Variants in CSMD1 observed in about 807,000 individuals in gnomAD.
CSMD1 encodes CUB and Sushi multiple domains 1.
Under a neutral mutation model 417.5 loss-of-function variants are expected in CSMD1, and 213 were observed. That is an observed-to-expected ratio of 0.51 (90% CI 0.46 to 0.57). CSMD1 has a LOEUF of 0.57. Ranked by LOEUF, CSMD1 falls within the 20% of genes least tolerant of loss-of-function variation. CSMD1 has a pLI of 0.00. For synonymous variants in CSMD1, 2,862 were observed against 1,736.8 expected, an observed-to-expected ratio of 1.65 and a Z score of -16.11; for missense variants, 6,923 against 4,529.7, an observed-to-expected ratio of 1.53 and a Z score of -15.17.
chr8:4,566,998 TC>T (rs1339472063), intron 2 of CSMD1, among the ~76,000 whole-genome samples: 2 of 152,198 alleles, frequency 1.3e-5, no homozygotes, highest in East Asian at 3.9e-4. Flanking sequence ...TCCAATGAAA[TC>T]CTGTATGTAT....
intron 1 of CSMD1, among the ~76,000 whole-genome samples, chr8:4,681,842 C>A (rs1806071669): frequency 6.6e-6 from 1 of 152,082 alleles, no homozygotes; most frequent in African/African-American, 2.4e-5. Context: ...CCATTTTCTC[C>A]TCCGTAAGGT....
intron 12 of CSMD1, among the ~76,000 whole-genome samples, chr8:3,418,622 G>C (rs979236483): frequency 6.6e-6 from 1 of 152,118 alleles, no homozygotes; most frequent in Non-Finnish European, 1.5e-5. Flanking sequence ...AGCTCAACAG[G>C]TCTGTCTGCC....
Position 4,932,021 on chromosome 8 carries a change from TAATA to T in CSMD1, c.85+62307_85+62310del, listed in dbSNP as rs1189490937. ...TAATTTGAGAGATTCACATAGCTAC[TAATA>T]AATAAAATGCATATTGCTAACATTT... is the stretch of plus-strand genomic sequence containing the variant. On this transcript the variant is annotated intron_variant, in intron 1 of 69. Coordinates refer to ENST00000635120, the MANE Select transcript of CSMD1 (RefSeq NM_033225.6). Among the ~76,000 whole-genome samples the T allele has an allele frequency of 3.3e-5, 5 of 152,342 alleles. No individual in the cohort carries two copies. In the East Asian group the frequency reaches 9.6e-4, roughly 29 times the overall value.
At chr8:4,032,211 G>T in intron 3 of CSMD1, 112 bp from the exon 4 acceptor site, 2 of 703,364 alleles carry the variant, frequency 2.8e-6, no homozygotes, top group Non-Finnish European at 4.5e-6. Flanking sequence ...AAAACCTCTA[G>T]CATCAGAAAA....
At chr8:4,017,921 C>T (rs11777171) in intron 4 of CSMD1, among the ~76,000 whole-genome samples, 13,647 of 152,140 alleles carry the variant, frequency 0.09, 657 homozygotes, top group Middle Eastern at 0.13. Context: ...CTGATGACTC[C>T]AATCATAAAG....
chr8:4,579,123 G>A lies in CSMD1; in HGVS notation c.302+58219C>T, dbSNP rs530433541. 2.0e-5 allele frequency among the ~76,000 whole-genome samples: 3 copies of A among 152,046 alleles called. No homozygotes were observed. The South Asian group carries it at 6.2e-4, about 32-fold the overall frequency. On this transcript the variant is annotated intron_variant, in intron 2 of 69. Transcript: ENST00000635120. ...GTAAGGACAATAAAACATGCAGGAA[G>A]AGCAGTAATTGCAGAATGAAAAAGT...
chr8:3,684,202 T>TA (rs150519896), intron 7 of CSMD1, among the ~76,000 whole-genome samples: 5 of 45,728 alleles, frequency 1.1e-4, no homozygotes, highest in Non-Finnish European at 1.9e-4. Flanking sequence ...ATATAACATG[T>TA]AATTATATAT....
intron 3 of CSMD1, among the ~76,000 whole-genome samples, chr8:4,119,178 A>G (rs1223267240): frequency 6.6e-6 from 1 of 152,144 alleles, no homozygotes; most frequent in Non-Finnish European, 1.5e-5. Flanking sequence ...TGATAGGTGC[A>G]GCAAACCATC....
intron 1 of CSMD1, among the ~76,000 whole-genome samples, chr8:4,667,840 T>A (rs1383705567): frequency 1.3e-5 from 2 of 152,080 alleles, no homozygotes; most frequent in African/African-American, 4.8e-5. Context: ...TTTGTAAACC[T>A]TTTATAGCTT....
chr8:3,961,341 C>G (rs565054163), intron 5 of CSMD1, among the ~76,000 whole-genome samples: 1 of 152,078 alleles, frequency 6.6e-6, no homozygotes, highest in African/African-American at 2.4e-5. Flanking sequence ...CATTTTTAAC[C>G]GGGTAAGCCA....
intron 1 of CSMD1, among the ~76,000 whole-genome samples, chr8:4,824,500 A>G (rs913853057): frequency 6.6e-6 from 1 of 152,140 alleles, no homozygotes; most frequent in East Asian, 1.9e-4. Flanking sequence ...TTTTAAACAG[A>G]GTAGTCCCAA....
intron 52 of CSMD1, among the ~76,000 whole-genome samples, chr8:3,013,261 T>C (rs1184633746): frequency 6.6e-6 from 1 of 152,176 alleles, no homozygotes; most frequent in Non-Finnish European, 1.5e-5. Context: ...GTTTCTTTTT[T>C]CCCACCCACA....
Position 4,825,976 on chromosome 8 carries a change from A to T in CSMD1, c.85+168356T>A, listed in dbSNP as rs186663883. 5.5e-4 allele frequency among the ~76,000 whole-genome samples: 83 copies of T among 151,968 alleles called. 1 individual carries two copies. Among genetic ancestry groups the T allele is most frequent in the Non-Finnish European group, 8.4e-4 (57 of 67,896 alleles). Reference sequence around the variant, plus strand: ...CTTTGAGGATGACTAATTTTTTTTTAAAAAAAGAACAAGTGTTGGGGAGGA... The same window carrying T: ...CTTTGAGGATGACTAATTTTTTTTTTAAAAAAGAACAAGTGTTGGGGAGGA... On this transcript the variant is annotated intron_variant, in intron 1 of 69. Transcript: ENST00000635120.
chr8:4,453,545 G>A (rs1267823860), intron 2 of CSMD1, among the ~76,000 whole-genome samples: 1 of 152,176 alleles, frequency 6.6e-6, no homozygotes, highest in East Asian at 1.9e-4. Context: ...ACAGCCGACA[G>A]AATAACTTGG....
At chr8:3,802,139 G>C (rs1344415540) in intron 5 of CSMD1, among the ~76,000 whole-genome samples, 2 of 152,028 alleles carry the variant, frequency 1.3e-5, no homozygotes, top group African/African-American at 4.8e-5. Context: ...AATATCCTCA[G>C]ATACTGCAGC....
At chr8:4,851,470 T>C (rs1336935043) in intron 1 of CSMD1, among the ~76,000 whole-genome samples, 1 of 152,140 alleles carries the variant, frequency 6.6e-6, no homozygotes, top group Non-Finnish European at 1.5e-5. Flanking sequence ...ATTTTTTTTC[T>C]TTTTTGATAT....
intron 3 of CSMD1, among the ~76,000 whole-genome samples, chr8:4,326,992 G>C (rs906007943): frequency 6.6e-6 from 1 of 152,108 alleles, no homozygotes; most frequent in African/African-American, 2.4e-5. Flanking sequence ...ACCTGAGAAG[G>C]AAAACGAAAG....
At chr8:3,087,583 G>A (rs1175947929) in intron 48 of CSMD1, among the ~76,000 whole-genome samples, 1 of 152,172 alleles carries the variant, frequency 6.6e-6, no homozygotes, top group Non-Finnish European at 1.5e-5. Context: ...GGGACACACT[G>A]GAAGAAGAAT....
chr8:3,214,360 G>T, intron 30 of CSMD1, 137 bp downstream of exon 30: 1 of 699,194 alleles, frequency 1.4e-6, no homozygotes, highest in East Asian at 2.8e-5. Context: ...ACTGATATTC[G>T]TTCCACACTA....
Sources: gnomAD v4.1 joint callset for allele counts (sites outside exome capture counted in the v4.1 genomes callset) on GRCh38, gnomAD v4.1.1 for gene constraint, MANE v1.5 for transcripts, NCBI Gene and HGNC (gene_info 2026-07-23, HGNC 2026-07-21) for gene names.